ANKS1B: variants seen among roughly 807,000 people sequenced by gnomAD.
ANKS1B encodes the protein ankyrin repeat and sterile alpha motif domain containing 1B.
ANKS1B carries 36 observed loss-of-function variants against 148.3 expected under a neutral mutation model. The ratio of observed to expected loss-of-function variants is 0.24; its 90% CI spans 0.19 to 0.32. ANKS1B has a LOEUF of 0.32. Among genes scored for constraint, ANKS1B ranks in the 10% least tolerant of loss-of-function variants. ANKS1B has a pLI of 1.00. For synonymous variants in ANKS1B, 542 were observed against 560.8 expected (o/e 0.97, Z 0.47); for missense variants, 1,157 against 1,542.6 (o/e 0.75, Z 4.19).
At chr12:99,289,816 G>A (rs1170934104) in intron 12 of ANKS1B, among the ~76,000 whole-genome samples, 1 of 151,728 alleles carries the variant, frequency 6.6e-6, no homozygotes, top group Non-Finnish European at 1.5e-5. Flanking sequence ...CATCAAAAAA[G>A]TAGAAAAACT....
chr12:99,656,139 A>C (rs1395469312), intron 8 of ANKS1B, among the ~76,000 whole-genome samples: 1 of 152,176 alleles, frequency 6.6e-6, no homozygotes, highest in Non-Finnish European at 1.5e-5. Context: ...AAGACTACAG[A>C]TATACTGAGT....
At chr12:99,732,187 T>G (rs1437204456) in intron 8 of ANKS1B, among the ~76,000 whole-genome samples, 3 of 152,212 alleles carry the variant, frequency 2.0e-5, no homozygotes, top group Admixed American at 1.3e-4. Flanking sequence ...ACTGTAATAC[T>G]TATACATTAC....
At chr12:99,176,447 C>T (rs1388460545) in intron 14 of ANKS1B, among the ~76,000 whole-genome samples, 2 of 152,246 alleles carry the variant, frequency 1.3e-5, no homozygotes, top group South Asian at 2.1e-4. Context: ...ATCATTACTA[C>T]GATCATGATC....
At position 98,781,132 on chromosome 12, in the gene ANKS1B, A is replaced by G; in HGVS notation, c.3426T>C (p.Ile1142=). ...TGGTACTTACCTTATTTGTTGCATC[A>G]ATAAATTTGACTCCTTTATATGAGA... The part of the protein sequence containing the change: ...LSVSYKGVKF[I]DATNKNIIAE... Residue 1142 remains isoleucine, a synonymous_variant, in exon 24 of 27, where the codon ATT becomes ATC. Coordinates refer to ENST00000683438, the MANE Select transcript of ANKS1B (RefSeq NM_001352186.2). 6.4e-7 allele frequency: 1 copy of G among 1,573,876 alleles called. No homozygotes were observed. The highest frequency in any genetic ancestry group is 8.7e-7 in the Non-Finnish European group (1 of 1,155,982).
chr12:99,381,191 T>TTGTATCAAGCCACCCA (rs551094453), intron 12 of ANKS1B, among the ~76,000 whole-genome samples: 188 of 152,306 alleles, frequency 1.2e-3, no homozygotes, highest in African/African-American at 4.0e-3. Flanking sequence ...TAAATTTCTG[T>TTGTATCAAGCCACCCA]TGTATCAAGC....
intron 8 of ANKS1B, among the ~76,000 whole-genome samples, chr12:99,720,130 C>G (rs190250623): frequency 6.6e-6 from 1 of 152,208 alleles, no homozygotes; most frequent in Non-Finnish European, 1.5e-5. Context: ...TCATAGAAAT[C>G]TATCCTCAAG....
At chr12:98,846,247 T>C (rs543130639) in intron 17 of ANKS1B, among the ~76,000 whole-genome samples, 3 of 152,348 alleles carry the variant, frequency 2.0e-5, no homozygotes, top group African/African-American at 4.8e-5. Flanking sequence ...AAGGAATTCT[T>C]AGGAGCAGTT....
In ANKS1B at chr12:99,319,204, C is replaced by T. The variant is rs540544535; in HGVS notation, c.1757-72340G>A. On this transcript the variant is annotated intron_variant, in intron 12 of 26. Coordinates refer to ENST00000683438, the MANE Select transcript of ANKS1B (RefSeq NM_001352186.2). The stretch of plus-strand genomic sequence containing the variant: ...TCTGTTAGGTCCACTTGGTGCAGAG[C>T]TGAGTTCAATTCCTGGATATCCTTG... 3.5e-4 allele frequency among the ~76,000 whole-genome samples: 54 copies of T among 152,230 alleles called. 1 individual carries two copies. Among genetic ancestry groups the T allele is most frequent in the Middle Eastern group, 6.8e-3 (2 of 294 alleles).
intron 14 of ANKS1B, among the ~76,000 whole-genome samples, chr12:99,243,805 T>G (rs1198418233): frequency 6.6e-6 from 1 of 152,036 alleles, no homozygotes; most frequent in Non-Finnish European, 1.5e-5. Flanking sequence ...ATGTTCTCAC[T>G]CATAAGTGAA....
intron 15 of ANKS1B, among the ~76,000 whole-genome samples, chr12:99,105,612 AC>A (rs1194918191): frequency 6.6e-6 from 1 of 151,944 alleles, no homozygotes; most frequent in African/African-American, 2.4e-5. Flanking sequence ...ACTAAAAAAT[AC>A]AAAAAATTAG....
chr12:99,931,042 G>A (rs1403778427), intron 1 of ANKS1B, among the ~76,000 whole-genome samples: 2 of 152,112 alleles, frequency 1.3e-5, no homozygotes, highest in Non-Finnish European at 2.9e-5. Context: ...GTCCTTTGTA[G>A]GGACATGGAT....
At chr12:98,998,251 T>C (rs2099930874) in intron 17 of ANKS1B, among the ~76,000 whole-genome samples, 1 of 152,204 alleles carries the variant, frequency 6.6e-6, no homozygotes. Flanking sequence ...AAGGGAAATA[T>C]GACAAGGGAT....
intron 26 of ANKS1B, among the ~76,000 whole-genome samples, chr12:98,748,057 T>G (rs777672500): frequency 1.8e-4 from 27 of 152,330 alleles, no homozygotes; most frequent in Non-Finnish European, 3.4e-4. Context: ...GTGACTGTAG[T>G]TAACAACAAT....
chr12:99,607,093 G>C (rs59177323), intron 9 of ANKS1B, among the ~76,000 whole-genome samples: 5,800 of 152,208 alleles, frequency 0.038, 394 homozygotes, highest in African/African-American at 0.13. Context: ...CCAAGAAGCA[G>C]AGTTAGGCCA....
intron 4 of ANKS1B, among the ~76,000 whole-genome samples, chr12:99,789,589 G>C (rs1435425887): frequency 6.6e-6 from 1 of 152,182 alleles, no homozygotes; most frequent in Non-Finnish European, 1.5e-5. Flanking sequence ...AATTCTATCA[G>C]ATAAATTTAA....
chr12:99,110,610 CTG>C (rs1600218746), intron 15 of ANKS1B, among the ~76,000 whole-genome samples: 2 of 152,250 alleles, frequency 1.3e-5, no homozygotes, highest in Admixed American at 6.5e-5. Flanking sequence ...TGAAAATTCA[CTG>C]TGTTTTTATA....
At position 99,756,947 on chromosome 12, in the gene ANKS1B, C is replaced by T. The variant is rs139926446; in HGVS notation, c.1128+15975G>A. Among the ~76,000 whole-genome samples, 730 of 151,330 alleles carry T rather than the reference C, an allele frequency of 4.8e-3. 6 individuals are homozygous for T. The highest frequency in any genetic ancestry group is 0.017 in the African/African-American group (689 of 41,232). Reference sequence around the variant, plus strand: ...CTCATACCATATACAAAAATTAACTCAAGATGGATTAAAGACTTAAATGTA... The same window carrying T: ...CTCATACCATATACAAAAATTAACTTAAGATGGATTAAAGACTTAAATGTA... On this transcript the variant is annotated intron_variant, in intron 8 of 26. Transcript: ENST00000683438.
At position 99,055,239 on chromosome 12, in the gene ANKS1B, C is replaced by G. The variant is rs530207814; in HGVS notation, c.2626-1930G>C. On this transcript the variant is annotated intron_variant, in intron 16 of 26. Coordinates refer to ENST00000683438, the MANE Select transcript of ANKS1B (RefSeq NM_001352186.2). ...AACTCTGTTAACCTAAATAATCACT[C>G]TGGCCCCAGGAATCTTCCTGACTGC... Among the ~76,000 whole-genome samples, 5 of 152,314 alleles carry G rather than the reference C, an allele frequency of 3.3e-5. No homozygotes were observed. The South Asian group carries it at 1.0e-3, about 32-fold the overall frequency.
rs1198911196 is a variant in ANKS1B at position 99,246,697 on chromosome 12, C to T, written c.1924G>A (p.Ala642Thr). 9.3e-6 allele frequency: 15 copies of T among 1,613,860 alleles called. 1 individual carries two copies. The Middle Eastern group carries it at 1.5e-3, about 160-fold the overall frequency. Residue 642 changes from alanine (A) to threonine (T), a missense_variant, in exon 13 of 27, where the codon GCA becomes ACA. Physicochemically the swap from Ala to Thr is moderately conservative, Grantham distance 58. This residue lies in a region of ANKS1B where 661 missense variants were observed against 642.1 expected (regional missense o/e 1.03). Transcript: ENST00000683438. ...TGCTTGAAAGGCAAAGGACTGTTTGCCAAACTGACTTCATCTTGTCCTTTT... is the reference window on the plus strand; with the variant it reads ...TGCTTGAAAGGCAAAGGACTGTTTGTCAAACTGACTTCATCTTGTCCTTTT... ...CEKGQDEVSLANSPLPFKQSP... is the reference protein window; with the variant it reads ...CEKGQDEVSLTNSPLPFKQSP...
Sources: allele counts gnomAD v4.1 joint callset (sites outside exome capture counted in the v4.1 genomes callset), GRCh38; gene constraint gnomAD v4.1.1; regional missense constraint gnomAD v4.1.1; transcripts MANE v1.5; gene names NCBI Gene and HGNC (gene_info 2026-07-23, HGNC 2026-07-21).